Variants in FHIT observed in about 807,000 individuals in gnomAD.
FHIT encodes bis(5'-adenosyl)-triphosphatase.
Under a neutral mutation model 17.9 loss-of-function variants are expected in FHIT, and 19 were observed. The ratio of observed to expected loss-of-function variants is 1.06; its 90% confidence interval spans 0.74 to 1.56. The LOEUF (loss-of-function observed/expected upper bound fraction) is 1.56, where lower values mean the gene tolerates loss of function less well. FHIT is among the 40% of genes most tolerant of loss of function. The probability of loss-of-function intolerance (pLI) is 0.00; values close to 1 mark genes in which losing one functional copy is unlikely to be tolerated. For missense variants in FHIT, 248 were observed against 189.2 expected, an observed-to-expected ratio of 1.31 and a Z score of -1.82; for synonymous variants, 81 against 69.7, an observed-to-expected ratio of 1.16 and a Z score of -0.81.
chr3:60,011,052 A>T (rs368591917), intron 7 of FHIT, among the ~76,000 whole-genome samples: 1 of 152,224 alleles, frequency 6.6e-6, no homozygotes, highest in Non-Finnish European at 1.5e-5. Flanking sequence ...ACCCACAGGA[A>T]GCTCACATGC....
At chr3:60,466,460 T>C (rs888120793) in intron 5 of FHIT, among the ~76,000 whole-genome samples, 1 of 152,190 alleles carries the variant, frequency 6.6e-6, no homozygotes, top group East Asian at 1.9e-4. Flanking sequence ...TTTCAGATTG[T>C]AGGGAGAAAA....
intron 4 of FHIT, among the ~76,000 whole-genome samples, chr3:60,760,196 A>C (rs1458952841): frequency 1.3e-5 from 2 of 152,286 alleles, no homozygotes; most frequent in East Asian, 3.9e-4. Flanking sequence ...CAAATGATGC[A>C]GGAGAGAACA....
At chr3:59,795,091 C>G (rs1320214458) in intron 8 of FHIT, among the ~76,000 whole-genome samples, 2 of 152,132 alleles carry the variant, frequency 1.3e-5, no homozygotes, top group South Asian at 2.1e-4. Context: ...CAGTCATTAG[C>G]AGTATTAAAA....
At chr3:60,798,183 A>G (rs1443601656) in intron 4 of FHIT, among the ~76,000 whole-genome samples, 1 of 152,210 alleles carries the variant, frequency 6.6e-6, no homozygotes, top group Non-Finnish European at 1.5e-5. Context: ...CTTAGTTTGC[A>G]GATCCCTGTA....
intron 7 of FHIT, among the ~76,000 whole-genome samples, chr3:59,979,957 C>T (rs1462939994): frequency 1.3e-5 from 2 of 152,132 alleles, no homozygotes; most frequent in Non-Finnish European, 2.9e-5. Flanking sequence ...CAGCTGACAA[C>T]ACTGTTCGAC....
intron 5 of FHIT, among the ~76,000 whole-genome samples, chr3:60,198,896 C>G (rs910350111): frequency 1.3e-5 from 2 of 152,170 alleles, no homozygotes; most frequent in African/African-American, 2.4e-5. Flanking sequence ...AACAGTATTA[C>G]TGCAGAGAAC....
chr3:60,591,000 A>C (rs985319715), intron 4 of FHIT, among the ~76,000 whole-genome samples: 1 of 152,084 alleles, frequency 6.6e-6, no homozygotes, highest in Non-Finnish European at 1.5e-5. Context: ...TAATCATAGA[A>C]GTTCACCTAA....
chr3:60,124,009 T>TAGAGAGAGAGAGAGAGAGAGAGAG (rs1168094593), intron 5 of FHIT, among the ~76,000 whole-genome samples: 5 of 12,158 alleles, frequency 4.1e-4, no homozygotes, highest in Non-Finnish European at 4.4e-4. Context: ...TATATATATA[T>TAGAGAGAGAGAGAGAGAGAGAGAG]AGAGAGAGAG....
At chr3:59,785,144 C>A (rs2106899428) in intron 8 of FHIT, among the ~76,000 whole-genome samples, 1 of 152,232 alleles carries the variant, frequency 6.6e-6, no homozygotes, top group East Asian at 1.9e-4. Context: ...GAGAAATCTG[C>A]CCCCATGACC....
At chr3:60,397,076 C>G (rs1184384871) in intron 5 of FHIT, among the ~76,000 whole-genome samples, 1 of 152,190 alleles carries the variant, frequency 6.6e-6, no homozygotes, top group African/African-American at 2.4e-5. Context: ...CTGATGTAAA[C>G]TACATAGAAA....
At chr3:60,148,336 G>A (rs569164665) in intron 5 of FHIT, among the ~76,000 whole-genome samples, 80 of 152,250 alleles carry the variant, frequency 5.3e-4, no homozygotes, top group African/African-American at 1.8e-3. Flanking sequence ...ACAAGTCAGG[G>A]ATGCAGCAAT....
intron 5 of FHIT, among the ~76,000 whole-genome samples, chr3:60,201,577 A>G (rs1702908400): frequency 6.6e-6 from 1 of 152,160 alleles, no homozygotes. Flanking sequence ...TGGAAGGGCC[A>G]TCTAGAAAGA....
intron 4 of FHIT, among the ~76,000 whole-genome samples, chr3:60,676,515 CATT>C (rs1190316611): frequency 2.0e-5 from 3 of 152,210 alleles, no homozygotes; most frequent in Non-Finnish European, 2.9e-5. Context: ...CAGTCTCTCT[CATT>C]ATGGAGTTTA....
At chr3:61,250,252 A>T (rs1263394876) in intron 1 of FHIT, among the ~76,000 whole-genome samples, 3 of 152,228 alleles carry the variant, frequency 2.0e-5, no homozygotes, top group African/African-American at 4.8e-5. Flanking sequence ...CCAAGGCCTC[A>T]GGCCGCAGGC....
intron 5 of FHIT, among the ~76,000 whole-genome samples, chr3:60,197,683 A>T (rs1308266668): frequency 6.6e-6 from 1 of 152,198 alleles, no homozygotes; most frequent in African/African-American, 2.4e-5. Context: ...TGTTCAATGT[A>T]GTGGTAGAGG....
At chr3:60,299,332 G>A (rs1237684505) in intron 5 of FHIT, among the ~76,000 whole-genome samples, 8 of 152,050 alleles carry the variant, frequency 5.3e-5, no homozygotes, top group Non-Finnish European at 1.0e-4. Context: ...TGACATCTCT[G>A]TCTATGAAGG....
intron 4 of FHIT, among the ~76,000 whole-genome samples, chr3:60,758,916 G>A (rs1274543252): frequency 6.6e-5 from 10 of 152,124 alleles, no homozygotes; most frequent in African/African-American, 2.4e-4. Flanking sequence ...AAAAGACAGA[G>A]TAGGCCTTTC....
At chr3:61,028,707 TGTGAAACACTTACCCCA>T (rs1462476484) in intron 3 of FHIT, among the ~76,000 whole-genome samples, 1 of 152,142 alleles carries the variant, frequency 6.6e-6, no homozygotes, top group Non-Finnish European at 1.5e-5. Context: ...AGACAACATC[TGTGAAACACTTACCCCA>T]GTGCCCCATA....
At chr3:60,038,341 G>A (rs1701306450) in intron 5 of FHIT, among the ~76,000 whole-genome samples, 1 of 152,140 alleles carries the variant, frequency 6.6e-6, no homozygotes, top group Admixed American at 6.6e-5. Flanking sequence ...TAATTCATAT[G>A]AAATCTGCCA....
Sources: gnomAD v4.1 joint callset for allele counts (sites outside exome capture counted in the v4.1 genomes callset) on GRCh38, gnomAD v4.1.1 for gene constraint, MANE v1.5 for transcripts, NCBI Gene and HGNC (gene_info 2026-07-23, HGNC 2026-07-21) for gene names.